GPC6: variants seen among roughly 807,000 people sequenced by gnomAD.
GPC6 encodes glypican-6.
In GPC6, 14 loss-of-function variants were observed where a neutral mutation model predicts 55.2. The ratio of observed to expected loss-of-function variants is 0.25; its 90% CI spans 0.17 to 0.40. GPC6 has a LOEUF of 0.40. Among genes scored for constraint, GPC6 ranks in the 10% least tolerant of loss-of-function variants. The pLI is 1.00. For missense variants in GPC6, 641 were observed against 708.5 expected, an observed-to-expected ratio of 0.90 and a Z score of 1.08; for synonymous variants, 278 against 259.6, an observed-to-expected ratio of 1.07 and a Z score of -0.68.
chr13:93,454,361 G>C (rs61964189), intron 1 of GPC6, among the ~76,000 whole-genome samples: 10,241 of 114,216 alleles, frequency 0.09, 40 homozygotes, highest in Non-Finnish European at 0.11. Flanking sequence ...AGATAGTGTC[G>C]ATTGGTGCAC....
intron 1 of GPC6, among the ~76,000 whole-genome samples, chr13:93,400,225 TCTTCCTTTCCTTTTC>T (rs1054454149): frequency 3.0e-4 from 45 of 152,210 alleles, no homozygotes; most frequent in African/African-American, 1.1e-3. Context: ...CTTTTTACCG[TCTTCCTTTCCTTTTC>T]CTTCCTTTCC....
chr13:93,279,246 C>A (rs577766164), intron 1 of GPC6, among the ~76,000 whole-genome samples: 1 of 152,198 alleles, frequency 6.6e-6, no homozygotes, highest in Non-Finnish European at 1.5e-5. Context: ...TTGGGAGGAG[C>A]CTGAAGGAGC....
At chr13:94,239,604 T>C (rs1461256520) in intron 4 of GPC6, among the ~76,000 whole-genome samples, 1 of 152,120 alleles carries the variant, frequency 6.6e-6, no homozygotes, top group Admixed American at 6.6e-5. Flanking sequence ...AATAAATGCT[T>C]CAAAGCACTC....
intron 1 of GPC6, among the ~76,000 whole-genome samples, chr13:93,323,175 T>A (rs1265248415): frequency 6.6e-6 from 1 of 152,226 alleles, no homozygotes; most frequent in Non-Finnish European, 1.5e-5. Flanking sequence ...AAATTCATTA[T>A]GTAATATAAA....
chr13:93,942,826 A>C (rs963978620), intron 3 of GPC6, among the ~76,000 whole-genome samples: 1 of 152,156 alleles, frequency 6.6e-6, no homozygotes, highest in Non-Finnish European at 1.5e-5. Flanking sequence ...TGTTACATGA[A>C]ATTAGCAGTA....
At chr13:94,092,638 T>A (rs1210481001) in intron 4 of GPC6, among the ~76,000 whole-genome samples, 2 of 152,140 alleles carry the variant, frequency 1.3e-5, no homozygotes, top group East Asian at 3.8e-4. Context: ...TTCCTTTAGA[T>A]ATAGACCTAG....
At chr13:93,219,322 G>T in the GPC6 span, among the ~76,000 whole-genome samples, 1 of 152,086 alleles carries the variant, frequency 6.6e-6, no homozygotes, top group African/African-American at 2.4e-5. Context: ...TTGAACTCCT[G>T]ATCTCATGAT....
At chr13:93,834,504 A>G (rs1393547221) in intron 3 of GPC6, among the ~76,000 whole-genome samples, 1 of 152,204 alleles carries the variant, frequency 6.6e-6, no homozygotes, top group East Asian at 1.9e-4. Flanking sequence ...TGGAGGTAAG[A>G]TGAAGGAGGG....
chr13:94,375,375 G>A (rs1295294617), intron 6 of GPC6, among the ~76,000 whole-genome samples: 6 of 152,038 alleles, frequency 3.9e-5, no homozygotes, highest in East Asian at 1.9e-4. Flanking sequence ...TATCACCACC[G>A]ATCCCACAGA....
chr13:94,164,125 C>T (rs1000196065), intron 4 of GPC6, among the ~76,000 whole-genome samples: 2 of 152,228 alleles, frequency 1.3e-5, no homozygotes, highest in Non-Finnish European at 2.9e-5. Context: ...AACTTCATCA[C>T]ATACCAACAT....
intron 6 of GPC6, among the ~76,000 whole-genome samples, chr13:94,367,169 AGCTCT>A (rs1204443616): frequency 3.3e-5 from 5 of 152,336 alleles, no homozygotes; most frequent in African/African-American, 1.2e-4. Context: ...TGACTGTGAG[AGCTCT>A]GCTAAGCCTT....
chr13:93,677,233 A>G (rs2139637587), intron 2 of GPC6, among the ~76,000 whole-genome samples: 1 of 152,216 alleles, frequency 6.6e-6, no homozygotes, highest in Middle Eastern at 3.4e-3. Context: ...TGCATAAAAG[A>G]TGTCTTTCAC....
At chr13:93,353,497 CAT>C (rs569151424) in intron 1 of GPC6, among the ~76,000 whole-genome samples, 94 of 152,336 alleles carry the variant, frequency 6.2e-4, no homozygotes, top group African/African-American at 2.0e-3. Flanking sequence ...TCAGTTGACT[CAT>C]ATGTTTCACC....
At chr13:94,208,086 G>A (rs549151956) in intron 4 of GPC6, among the ~76,000 whole-genome samples, 19 of 152,234 alleles carry the variant, frequency 1.2e-4, no homozygotes, top group African/African-American at 4.3e-4. Flanking sequence ...GCATTACTAG[G>A]AGGACATTCA....
intron 2 of GPC6, among the ~76,000 whole-genome samples, chr13:93,596,640 A>G (rs1272879774): frequency 1.4e-5 from 2 of 147,660 alleles, no homozygotes; most frequent in Non-Finnish European, 3.0e-5. Context: ...TATATAATGT[A>G]TATGTGTGTA....
chr13:93,525,758 T>C (rs941326275), intron 1 of GPC6, among the ~76,000 whole-genome samples: 12 of 152,082 alleles, frequency 7.9e-5, no homozygotes, highest in Admixed American at 3.9e-4. Flanking sequence ...TGGTTAATTA[T>C]TTATAGGTGC....
chr13:93,296,167 C>T (rs568215030), intron 1 of GPC6, among the ~76,000 whole-genome samples: 1 of 152,320 alleles, frequency 6.6e-6, no homozygotes, highest in East Asian at 1.9e-4. Flanking sequence ...ATTAATGGCA[C>T]TGCCTTTTGC....
At chr13:93,727,873 A>T (rs1437452791) in intron 2 of GPC6, among the ~76,000 whole-genome samples, 1 of 152,100 alleles carries the variant, frequency 6.6e-6, no homozygotes, top group East Asian at 1.9e-4. Flanking sequence ...ACTCGCTGCT[A>T]AACATTCCTA....
intron 1 of GPC6, among the ~76,000 whole-genome samples, chr13:93,336,290 T>C (rs1880042526): frequency 6.6e-6 from 1 of 152,334 alleles, no homozygotes; most frequent in Non-Finnish European, 1.5e-5. Flanking sequence ...ATTATTATAT[T>C]GGATGAGACT....
Sources: allele counts gnomAD v4.1 joint callset (sites outside exome capture counted in the v4.1 genomes callset), GRCh38; gene constraint gnomAD v4.1.1; transcripts MANE v1.5; gene names NCBI Gene and HGNC (gene_info 2026-07-23, HGNC 2026-07-21).